Variants in SYNM observed in about 807,000 individuals in gnomAD.
SYNM encodes the protein desmuslin.
In SYNM, 95 loss-of-function variants were observed where a neutral mutation model predicts 104.0. The ratio of observed to expected loss-of-function variants is 0.91; its 90% CI spans 0.77 to 1.08. The LOEUF (loss-of-function observed/expected upper bound fraction) is 1.08. Among genes scored for constraint, SYNM ranks in the 50% least tolerant of loss-of-function variants. The pLI, the probability that SYNM is intolerant of heterozygous loss-of-function variation, is 0.00. For missense variants in SYNM, 2,150 were observed against 2,052.2 expected (o/e 1.05, Z -0.92); for synonymous variants, 918 against 869.0 (o/e 1.06, Z -0.99).
downstream of SYNM, chr15:99,139,889 G>A (rs1316314921): frequency 2.0e-5 from 11 of 554,620 alleles, no homozygotes; most frequent in Admixed American, 3.6e-5. Flanking sequence ...ACTACCCAGG[G>A]CTGGCTTTGG....
intron 1 of SYNM, among the ~76,000 whole-genome samples, chr15:99,112,829 G>A (rs559204310): frequency 1.3e-5 from 2 of 152,306 alleles, no homozygotes; most frequent in Admixed American, 6.5e-5. Flanking sequence ...CTGTTCCTCA[G>A]CCTCCTGAGT....
Position 99,132,350 on chromosome 15 carries a change from T to C in SYNM, c.3990T>C (p.Val1330=), listed in dbSNP as rs782770692. Residue 1330 remains valine, a synonymous_variant, in exon 4 of 4, where the codon GTT becomes GTC. Transcript: ENST00000336292. The stretch of plus-strand genomic sequence containing the variant: ...AGCAGATAGTTTACCATGGGCTGGT[T>C]CCCCAACTGGGGGAATCTGGTGACT... ...TTQQIVYHGL[V]PQLGESGDSE... is the part of the protein sequence containing the mutation. 1 of 1,613,676 alleles carries C rather than the reference T, an allele frequency of 6.2e-7. No individual in the cohort carries two copies. Among genetic ancestry groups the C allele is most frequent in the South Asian group, 1.1e-5 (1 of 91,068 alleles).
At chr15:99,113,850 TG>T in intron 2 of SYNM, 135 bp downstream of exon 2, 1 of 1,372,614 alleles carries the variant, frequency 7.3e-7, no homozygotes, top group Non-Finnish European at 9.7e-7. Context: ...GCCCTTGGCA[TG>T]GCCAGGCAAG....
chr15:99,120,327 G>A (rs2067388399), intron 2 of SYNM, among the ~76,000 whole-genome samples: 1 of 152,154 alleles, frequency 6.6e-6, no homozygotes, highest in African/African-American at 2.4e-5. Flanking sequence ...CACGCAGGGA[G>A]GGCTTCCTGA....
At chr15:99,116,922 G>A (rs139475309) in intron 2 of SYNM, among the ~76,000 whole-genome samples, 7,323 of 143,486 alleles carry the variant, frequency 0.051, 1,234 homozygotes, top group Non-Finnish European at 0.076. Flanking sequence ...TGATCCACCC[G>A]CCTCAGCCTC....
chr15:99,113,871 G>T (rs2067322619), intron 2 of SYNM, among the ~76,000 whole-genome samples, 156 bp downstream of exon 2: 1 of 152,228 alleles, frequency 6.6e-6, no homozygotes, highest in South Asian at 2.1e-4. Flanking sequence ...GGAGTCCGAG[G>T]CCAAAAGGAA....
intron 2 of SYNM, among the ~76,000 whole-genome samples, chr15:99,115,117 T>C (rs1555483776): frequency 1.3e-5 from 2 of 152,030 alleles, no homozygotes; most frequent in Admixed American, 1.3e-4. Context: ...CCAGGTCTGG[T>C]GCCAAAGCTG....
At chr15:99,140,322 A>C (rs2068079865), downstream of SYNM, 1 of 152,248 alleles carries the variant, frequency 6.6e-6, no homozygotes, top group South Asian at 2.1e-4. Flanking sequence ...TGAAGGACTA[A>C]GTGTGAAATG....
rs782447126 is a variant in SYNM, at chr15:99,129,734, C to G, written c.1374C>G (p.Pro458=). The change falls in exon 4 of 4, where the codon CCC becomes CCG. Residue 458 remains proline, a synonymous_variant. Transcript: ENST00000336292. ...RPKAGDTREV[P]VYIGEDSTIA... Reference sequence around the variant, plus strand: ...AAGCCGGAGATACAAGGGAGGTCCCCGTTTACATAGGTGAAGATTCCACAA... The same window carrying G: ...AAGCCGGAGATACAAGGGAGGTCCCGGTTTACATAGGTGAAGATTCCACAA... The G allele has an allele frequency of 2.5e-6, 4 of 1,613,466 alleles. No homozygotes were observed. The African/African-American group carries it at 5.3e-5, about 22-fold the overall frequency.
At chr15:99,138,667 C>T (rs1265453915), downstream of SYNM, among the ~76,000 whole-genome samples, 2 of 152,252 alleles carry the variant, frequency 1.3e-5, no homozygotes, top group African/African-American at 4.8e-5. Context: ...AGGCCCTCAA[C>T]CCTTAGCTGG....
chr15:99,129,950 G>A lies in SYNM; in HGVS notation c.1590G>A (p.Lys530=), dbSNP rs1555485495. The A allele has an allele frequency of 6.2e-7, 1 of 1,611,772 alleles. No homozygotes were observed. The highest frequency in any genetic ancestry group is 1.3e-5 in the African/African-American group (1 of 74,864). The change falls in exon 4 of 4, where the codon AAG becomes AAA. Residue 530 remains lysine, a synonymous_variant. Transcript: ENST00000336292. ...AGAAAATGTTCGATTCTAAAGAGAA[G>A]GCTTCCGAGGAGAGAAACCTAAGAT... is the stretch of plus-strand genomic sequence containing the variant. ...PEEKMFDSKE[K]ASEERNLRWE...
At chr15:99,128,454 A>G (rs906553031) in intron 3 of SYNM, among the ~76,000 whole-genome samples, 7 of 152,222 alleles carry the variant, frequency 4.6e-5, no homozygotes, top group African/African-American at 1.7e-4. Context: ...GTCTTGTAGA[A>G]AATGTCCTGG....
chr15:99,107,514 G>T (rs1033219018), intron 1 of SYNM, among the ~76,000 whole-genome samples: 23 of 152,218 alleles, frequency 1.5e-4, no homozygotes, highest in African/African-American at 4.3e-4. Flanking sequence ...AGAAAATGCT[G>T]CTTTGAGCCA....
rs781831400 is a variant in SYNM, at chr15:99,105,884, C to G, written c.685C>G (p.Leu229Val). 10 of 1,538,714 alleles carry G rather than the reference C, an allele frequency of 6.5e-6. No individual in the cohort carries two copies. Among genetic ancestry groups the G allele is most frequent in the South Asian group, 2.4e-5 (2 of 83,534 alleles). The part of the protein sequence containing the change: ...SRLQAEEETR[L>V]CAQEAEALRR... ...ACTCCAGGCGGAGGAAGAGACGCGG[C>G]TGTGCGCGCAGGAGGCAGAGGCGCT... is the stretch of plus-strand genomic sequence containing the variant. Residue 229 changes from leucine (L) to valine (V), a missense_variant, in exon 1 of 4, where the codon CTG (leucine) becomes GTG (valine). Physicochemically the swap from Leu to Val is conservative, Grantham distance 32. Coordinates refer to ENST00000336292, the MANE Select transcript of SYNM (RefSeq NM_145728.3).
downstream of SYNM, chr15:99,137,834 G>T: frequency 2.0e-6 from 2 of 1,003,648 alleles, no homozygotes; most frequent in Non-Finnish European, 2.9e-6. Context: ...GGCATCCACT[G>T]TCAAAATGTG....
chr15:99,112,650 G>A (rs1555483514), intron 1 of SYNM, among the ~76,000 whole-genome samples: 1 of 152,218 alleles, frequency 6.6e-6, no homozygotes, highest in Non-Finnish European at 1.5e-5. Context: ...GCTGCGAGGA[G>A]CACCCAGGAC....
At chr15:99,139,611 C>T (rs1404860082), downstream of SYNM, 1 of 1,523,554 alleles carries the variant, frequency 6.6e-7, no homozygotes, top group Non-Finnish European at 8.8e-7. Context: ...CACTATTTCA[C>T]AAAACTCTCT....
chr15:99,112,837 A>C (rs903442126), intron 1 of SYNM, among the ~76,000 whole-genome samples: 6 of 152,076 alleles, frequency 3.9e-5, no homozygotes, highest in Non-Finnish European at 5.9e-5. Flanking sequence ...CAGCCTCCTG[A>C]GTAGCTGGGA....
intron 2 of SYNM, among the ~76,000 whole-genome samples, chr15:99,123,844 C>T (rs573298109): frequency 2.6e-5 from 4 of 152,364 alleles, no homozygotes; most frequent in Admixed American, 6.5e-5. Context: ...TGCTGAGTCA[C>T]GGCGGATTGT....
Sources: gnomAD v4.1 joint callset for allele counts (sites outside exome capture counted in the v4.1 genomes callset) on GRCh38, gnomAD v4.1.1 for gene constraint, MANE v1.5 for transcripts, NCBI Gene and HGNC (gene_info 2026-07-23, HGNC 2026-07-21) for gene names.